Variants in ZNF892 observed in about 807,000 individuals in gnomAD.
ZNF892 encodes zinc finger protein 570-like.
At chr2:95,246,200 G>T in the ZNF892 span, among the ~76,000 whole-genome samples, 2 of 152,182 alleles carry the variant, frequency 1.3e-5, no homozygotes, top group Non-Finnish European at 2.9e-5. Context: ...AGGATGCAAG[G>T]TTGGTTCAAC....
chr2:95,237,856 C>T, the ZNF892 span, among the ~76,000 whole-genome samples: 2 of 152,176 alleles, frequency 1.3e-5, no homozygotes, highest in African/African-American at 4.8e-5. Flanking sequence ...AAGCCAGCTG[C>T]AATATTCCTT....
the ZNF892 span, among the ~76,000 whole-genome samples, chr2:95,244,065 CAT>C: frequency 2.0e-5 from 3 of 151,106 alleles, no homozygotes; most frequent in Non-Finnish European, 4.4e-5. Flanking sequence ...CTCTCTGAAA[CAT>C]GTGCTGTATC....
the ZNF892 span, among the ~76,000 whole-genome samples, chr2:95,262,271 C>T: frequency 2.6e-5 from 4 of 152,214 alleles, no homozygotes; most frequent in African/African-American, 9.6e-5. Flanking sequence ...ACACTCAGAA[C>T]AAAATGCATC....
At chr2:95,258,493 CGTGGGTTACAGATTGGGAACAGAT>C in the ZNF892 span, among the ~76,000 whole-genome samples, 1 of 152,036 alleles carries the variant, frequency 6.6e-6, no homozygotes, top group African/African-American at 2.4e-5. Flanking sequence ...TGGGAATGGA[CGTGGGTTACAGATTGGGAACAGAT>C]GTGGGTTACA....
the ZNF892 span, among the ~76,000 whole-genome samples, chr2:95,234,673 C>G: frequency 6.6e-6 from 1 of 152,360 alleles, no homozygotes; most frequent in Admixed American, 6.5e-5. Context: ...GTGAACAAAA[C>G]TCTTTCCTGT....
the ZNF892 span, among the ~76,000 whole-genome samples, chr2:95,254,814 G>A: frequency 6.6e-6 from 1 of 152,202 alleles, no homozygotes; most frequent in Non-Finnish European, 1.5e-5. Context: ...ACTTGGGAGG[G>A]TGTATGTGTC....
At chr2:95,241,717 T>C in the ZNF892 span, among the ~76,000 whole-genome samples, 1 of 152,246 alleles carries the variant, frequency 6.6e-6, no homozygotes, top group African/African-American at 2.4e-5. Context: ...AAGGAGCATA[T>C]TGTAACCCAA....
the ZNF892 span, among the ~76,000 whole-genome samples, chr2:95,222,213 T>G: frequency 6.6e-6 from 1 of 152,232 alleles, no homozygotes; most frequent in East Asian, 1.9e-4. Context: ...TTTTCCATGT[T>G]AGGTACCACA....
chr2:95,207,572 G>A, the ZNF892 span: 7 of 380,180 alleles, frequency 1.8e-5, no homozygotes, highest in South Asian at 1.5e-4. Context: ...GCTGTTAGAT[G>A]CCTTTGTCGT....
At chr2:95,211,511 T>C in the ZNF892 span, 1 of 395,722 alleles carries the variant, frequency 2.5e-6, no homozygotes, top group South Asian at 1.4e-4. Context: ...TGTCTGTCCT[T>C]TTTTTATCCT....
the ZNF892 span, chr2:95,211,558 C>T: frequency 2.5e-6 from 1 of 398,014 alleles, no homozygotes; most frequent in Non-Finnish European, 4.4e-6. Context: ...AGTTTTATTC[C>T]TCTTCAGAGG....
chr2:95,211,722 T>C, the ZNF892 span: 1 of 398,534 alleles, frequency 2.5e-6, no homozygotes, highest in Non-Finnish European at 4.4e-6. Context: ...TCTTGCTGGG[T>C]AAGGATGGCT....
the ZNF892 span, chr2:95,212,290 T>C: frequency 2.5e-6 from 1 of 398,498 alleles, no homozygotes; most frequent in Non-Finnish European, 4.4e-6. Context: ...AGCGTGAGTG[T>C]TGGAAACAGT....
the ZNF892 span, chr2:95,207,676 G>A: frequency 2.5e-6 from 1 of 396,842 alleles, no homozygotes; most frequent in East Asian, 3.6e-5. Flanking sequence ...CCGGGAGGAG[G>A]GTGGCGGGAG....
the ZNF892 span, chr2:95,207,547 T>C: frequency 2.8e-6 from 1 of 358,056 alleles, no homozygotes; most frequent in Admixed American, 4.7e-5. Flanking sequence ...TGGCCGGCGC[T>C]AGGCGTCCCC....
chr2:95,257,841 C>G, the ZNF892 span, among the ~76,000 whole-genome samples: 1 of 152,186 alleles, frequency 6.6e-6, no homozygotes. Flanking sequence ...ATGAGCGAGG[C>G]TCCGTGGGCG....
the ZNF892 span, among the ~76,000 whole-genome samples, chr2:95,240,290 C>G: frequency 3.9e-5 from 6 of 152,150 alleles, no homozygotes; most frequent in Admixed American, 3.9e-4. Flanking sequence ...AGGCAAATGA[C>G]TTGACCCATG....
At chr2:95,227,049 A>G in the ZNF892 span, among the ~76,000 whole-genome samples, 1 of 152,088 alleles carries the variant, frequency 6.6e-6, no homozygotes, top group African/African-American at 2.4e-5. Context: ...CGCTACCACA[A>G]TTTATTGATA....
chr2:95,223,245 T>A, the ZNF892 span, among the ~76,000 whole-genome samples: 1 of 152,270 alleles, frequency 6.6e-6, no homozygotes, highest in East Asian at 1.9e-4. Flanking sequence ...ATATATTATG[T>A]CAAGTTTTAC....
Sources: gnomAD v4.1 joint callset for allele counts (sites outside exome capture counted in the v4.1 genomes callset) on GRCh38, gnomAD v4.1.1 for gene constraint, MANE v1.5 for transcripts, NCBI Gene and HGNC (gene_info 2026-07-23, HGNC 2026-07-21) for gene names.